Variants in DNAH7 observed in about 807,000 individuals in gnomAD.
The protein encoded by DNAH7 is dynein axonemal heavy chain 7, also known as axonemal beta dynein heavy chain 7.
Under a neutral mutation model 444.6 loss-of-function variants are expected in DNAH7, and 397 were observed. The observed-to-expected ratio is 0.89, with a 90% CI of 0.82 to 0.97. The LOEUF (loss-of-function observed/expected upper bound fraction) is 0.97. Among genes scored for constraint, DNAH7 ranks in the 50% least tolerant of loss-of-function variants. The probability of loss-of-function intolerance (pLI) is 0.00; values close to 1 mark genes in which losing one functional copy is unlikely to be tolerated. For synonymous variants in DNAH7, 1,636 were observed against 1,624.4 expected (o/e 1.01, Z -0.17); for missense variants, 4,902 against 4,800.8 (o/e 1.02, Z -0.62).
Position 195,799,400 on chromosome 2 carries a change from A to T in DNAH7, c.10249T>A (p.Leu3417Ile). Residue 3417 changes from leucine to isoleucine, a missense_variant, in exon 55 of 65, where the codon TTA becomes ATA. Leu to Ile is a conservative substitution (Grantham distance 5, BLOSUM62 2). Transcript: ENST00000312428. ...TTACTGTCTCCAAATGCCTTGGCTA[A>T]ATCAAAGGGGGGTGGTTCAATGAAT... ...RAFIEPPPFDLAKAFGDSNCC... is the reference protein window; with the variant it reads ...RAFIEPPPFDIAKAFGDSNCC... The T allele has an allele frequency of 6.2e-7, 1 of 1,611,658 alleles. No individual in the cohort carries two copies. The highest frequency in any genetic ancestry group is 8.5e-7 in the Non-Finnish European group (1 of 1,178,816).
At chr2:195,984,572 CATT>C (rs1373550539) in intron 15 of DNAH7, 57 bp downstream of exon 15, 2 of 1,431,122 alleles carry the variant, frequency 1.4e-6, no homozygotes, top group Non-Finnish European at 2.0e-6. Context: ...TGTTACTCCG[CATT>C]ATTGTGTCAA....
At chr2:195,771,589 C>G (rs1330380363) in intron 61 of DNAH7, 71 bp downstream of exon 61, 1 of 1,146,458 alleles carries the variant, frequency 8.7e-7, no homozygotes, top group East Asian at 2.4e-5. Context: ...TTGTGCTAAA[C>G]AAGTATTTGC....
chr2:195,808,257 A>C (rs1420175531), intron 53 of DNAH7, among the ~76,000 whole-genome samples: 1 of 152,222 alleles, frequency 6.6e-6, no homozygotes, highest in Non-Finnish European at 1.5e-5. Context: ...GGTCTCGTGA[A>C]AGTTGTTTTA....
chr2:196,031,263 C>T (rs1045527236), intron 5 of DNAH7, among the ~76,000 whole-genome samples: 8 of 152,234 alleles, frequency 5.3e-5, no homozygotes, highest in Non-Finnish European at 4.4e-5. Context: ...ACAGCTGGAG[C>T]AGCTGGGACA....
intron 49 of DNAH7, among the ~76,000 whole-genome samples, chr2:195,822,509 A>G (rs1697520188): frequency 6.6e-6 from 1 of 152,256 alleles, no homozygotes; most frequent in Non-Finnish European, 1.5e-5. Flanking sequence ...AAAGGTACAT[A>G]AAAGATCCTA....
chr2:195,853,241 G>T, intron 46 of DNAH7, 102 bp downstream of exon 46: 2 of 1,060,490 alleles, frequency 1.9e-6, no homozygotes, highest in South Asian at 2.2e-5. Context: ...CTTCCTCCTT[G>T]TACTTAACAA....
intron 10 of DNAH7, among the ~76,000 whole-genome samples, chr2:196,007,008 A>T (rs1271869325): frequency 6.6e-6 from 1 of 152,218 alleles, no homozygotes; most frequent in African/African-American, 2.4e-5. Flanking sequence ...AAGACTTAAC[A>T]TTATTAAGTT....
At chr2:195,927,986 A>G (rs1036944532) in intron 21 of DNAH7, among the ~76,000 whole-genome samples, 12 of 152,058 alleles carry the variant, frequency 7.9e-5, no homozygotes, top group South Asian at 4.1e-4. Flanking sequence ...TACAGGGGGT[A>G]TATGTGCAGG....
At chr2:195,997,068 G>T (rs1693738591) in intron 12 of DNAH7, among the ~76,000 whole-genome samples, 1 of 152,148 alleles carries the variant, frequency 6.6e-6, no homozygotes, top group South Asian at 2.1e-4. Flanking sequence ...GATGTACTGT[G>T]TGCAATGTAA....
chr2:196,016,593 G>A lies in DNAH7; in HGVS notation c.869+2577C>T, dbSNP rs995934351. ...AGCCCATTCTCTGAAGTCAGCAGAG[G>A]CCCCTGAAGTATGTAGAAGGTCAGA... On this transcript the variant is annotated intron_variant, in intron 9 of 64. Coordinates refer to ENST00000312428, the MANE Select transcript of DNAH7 (RefSeq NM_018897.3). 6.6e-5 allele frequency among the ~76,000 whole-genome samples: 10 copies of A among 152,284 alleles called. No individual in the cohort carries two copies. In the Middle Eastern group the frequency reaches 0.01, roughly 155 times the overall value.
intron 21 of DNAH7, among the ~76,000 whole-genome samples, chr2:195,930,083 G>A (rs1364006180): frequency 3.9e-5 from 6 of 151,966 alleles, no homozygotes; most frequent in African/African-American, 1.4e-4. Context: ...GCTGGCTCAC[G>A]CCTGTAATCC....
At chr2:195,887,753 G>A (rs918826418) in intron 33 of DNAH7, among the ~76,000 whole-genome samples, 3 of 152,030 alleles carry the variant, frequency 2.0e-5, no homozygotes, top group East Asian at 1.9e-4. Flanking sequence ...TAAGAGCCTC[G>A]CTGAAGCTCA....
chr2:196,061,636 C>A (rs1033246295), intron 1 of DNAH7, among the ~76,000 whole-genome samples: 1 of 152,084 alleles, frequency 6.6e-6, no homozygotes, highest in Non-Finnish European at 1.5e-5. Context: ...CTGGATCCAA[C>A]ATCTCACAAT....
intron 54 of DNAH7, among the ~76,000 whole-genome samples, chr2:195,804,675 GAGC>G (rs1696625327): frequency 1.3e-5 from 2 of 152,034 alleles, no homozygotes; most frequent in African/African-American, 4.8e-5. Context: ...ATGGCAGGGA[GAGC>G]ACCTCAGAGA....
chr2:195,961,917 T>C (rs1306390583), intron 17 of DNAH7, among the ~76,000 whole-genome samples: 3 of 152,082 alleles, frequency 2.0e-5, no homozygotes, highest in African/African-American at 7.2e-5. Flanking sequence ...AATAATAATA[T>C]AAAGCAATAG....
chr2:195,966,138 T>C (rs1327141371), intron 17 of DNAH7, among the ~76,000 whole-genome samples: 1 of 152,060 alleles, frequency 6.6e-6, no homozygotes, highest in Admixed American at 6.5e-5. Flanking sequence ...CCATATGTTT[T>C]GTTATGTTGT....
intron 30 of DNAH7, chr2:195,893,943 A>G (rs1211978020): frequency 1.3e-5 from 2 of 152,094 alleles, no homozygotes; most frequent in African/African-American, 4.8e-5. Context: ...TGACAATAAA[A>G]TAACAAAACA....
At chr2:195,944,762 T>G (rs1689690362) in intron 19 of DNAH7, among the ~76,000 whole-genome samples, 1 of 152,146 alleles carries the variant, frequency 6.6e-6, no homozygotes, top group African/African-American at 2.4e-5. Context: ...AAAGGCTCTT[T>G]TAGCAAATCA....
chr2:195,864,278 G>A lies in DNAH7; in HGVS notation c.7377C>T (p.Asn2459=). The A allele has an allele frequency of 6.2e-7, 1 of 1,614,142 alleles. No homozygotes were observed. The highest frequency in any genetic ancestry group is 8.5e-7 in the Non-Finnish European group (1 of 1,180,016). Residue 2459 remains asparagine (N), a synonymous_variant, in exon 41 of 65, where the codon AAC becomes AAT. Coordinates refer to ENST00000312428, the MANE Select transcript of DNAH7 (RefSeq NM_018897.3). ...GGCTGCGGCAATGATCAATAAACAT[G>A]TTGAAAAGGGCTATGGGGCTGCCAT... ...QTDGSPIALF[N]MFIDHCRSQL... is the part of the protein sequence containing the mutation.
Sources: allele counts gnomAD v4.1 joint callset (sites outside exome capture counted in the v4.1 genomes callset), GRCh38; gene constraint gnomAD v4.1.1; transcripts MANE v1.5; gene names NCBI Gene and HGNC (gene_info 2026-07-23, HGNC 2026-07-21).